The following TTC27 variants were observed in gnomAD, a reference collection of about 807,000 sequenced individuals.
TTC27 encodes tetratricopeptide repeat protein 27.
TTC27 carries 79 observed loss-of-function variants against 115.9 expected under a neutral mutation model. The ratio of observed to expected loss-of-function variants is 0.68; its 90% CI spans 0.57 to 0.82. The LOEUF (loss-of-function observed/expected upper bound fraction) is 0.82. TTC27 is among the 40% of genes least tolerant of loss of function. The pLI is 0.00. For synonymous variants in TTC27, 401 were observed against 356.0 expected, an observed-to-expected ratio of 1.13 and a Z score of -1.42; for missense variants, 1,054 against 993.1, an observed-to-expected ratio of 1.06 and a Z score of -0.82.
chr2:32,641,204 T>G (rs941359672), intron 4 of TTC27, among the ~76,000 whole-genome samples: 8 of 152,174 alleles, frequency 5.3e-5, no homozygotes, highest in African/African-American at 1.7e-4. Context: ...TATAAACTAG[T>G]GAGGACAAAT....
chr2:32,717,622 G>GA (rs1456987422), intron 10 of TTC27, among the ~76,000 whole-genome samples: 4 of 151,950 alleles, frequency 2.6e-5, no homozygotes, highest in Non-Finnish European at 5.9e-5. Flanking sequence ...GTGTCTTTGT[G>GA]AAAAGTATTT....
At chr2:32,710,202 G>A (rs572128448) in intron 10 of TTC27, among the ~76,000 whole-genome samples, 28 of 152,064 alleles carry the variant, frequency 1.8e-4, no homozygotes, top group Admixed American at 2.6e-4. Flanking sequence ...AGTAGGGTTG[G>A]GGTTTCGCCA....
chr2:32,669,315 A>C (rs1665919406), intron 7 of TTC27, among the ~76,000 whole-genome samples: 1 of 152,154 alleles, frequency 6.6e-6, no homozygotes, highest in African/African-American at 2.4e-5. Flanking sequence ...TTGTATGTGA[A>C]ATAAAATACA....
chr2:32,672,403 T>C lies in TTC27; in HGVS notation c.1052+19T>C. 2 of 1,572,038 alleles carry C rather than the reference T, an allele frequency of 1.3e-6. No homozygotes were observed. Among genetic ancestry groups the C allele is most frequent in the Non-Finnish European group, 1.8e-6 (2 of 1,142,268 alleles). On this transcript the variant is annotated intron_variant, in intron 8 of 19. Transcript: ENST00000317907. ...GAATCTGGTGAGTTAATGACTGACT[T>C]GGCTGCTTTGAACACTTTGCATATT...
chr2:32,650,545 C>G (rs1028358486), intron 5 of TTC27, among the ~76,000 whole-genome samples: 4 of 151,744 alleles, frequency 2.6e-5, no homozygotes, highest in Non-Finnish European at 4.4e-5. Flanking sequence ...AATATTTTCT[C>G]TGTTCTTTAA....
In TTC27 at chr2:32,755,187, C is replaced by T. The variant is rs929442471; in HGVS notation, c.1453-3105C>T. ...CTCACTTCCCAGACGGGGTGGCGGC[C>T]GGGCAGAGGCTGCAATCTCGGCACT... On this transcript the variant is annotated intron_variant, in intron 12 of 19. Transcript: ENST00000317907. Among the ~76,000 whole-genome samples, 8 of 152,238 alleles carry T rather than the reference C, an allele frequency of 5.3e-5. No homozygotes were observed. In the South Asian group the frequency reaches 1.2e-3, roughly 24 times the overall value.
chr2:32,800,191 G>GC (rs1016011374), intron 16 of TTC27, among the ~76,000 whole-genome samples: 14 of 152,270 alleles, frequency 9.2e-5, no homozygotes, highest in Middle Eastern at 3.4e-3. Flanking sequence ...GCTGTTTTTT[G>GC]TTTTTGTGTT....
intron 16 of TTC27, among the ~76,000 whole-genome samples, chr2:32,798,975 G>A (rs1480858089): frequency 6.6e-6 from 1 of 152,084 alleles, no homozygotes; most frequent in Non-Finnish European, 1.5e-5. Flanking sequence ...GCTAAAACCT[G>A]GAAGCAACCC....
chr2:32,707,753 C>T (rs1667428123), intron 10 of TTC27, among the ~76,000 whole-genome samples: 1 of 152,126 alleles, frequency 6.6e-6, no homozygotes, highest in South Asian at 2.1e-4. Flanking sequence ...TTCCATAGCT[C>T]TGTCCACTGA....
intron 7 of TTC27, among the ~76,000 whole-genome samples, chr2:32,667,794 C>A (rs1665843540): frequency 1.3e-5 from 2 of 150,604 alleles, no homozygotes. Flanking sequence ...TGGCTCATGC[C>A]TGTAATCCCA....
intron 9 of TTC27, among the ~76,000 whole-genome samples, chr2:32,699,880 C>A (rs900607209): frequency 4.6e-5 from 7 of 152,170 alleles, no homozygotes; most frequent in Admixed American, 4.6e-4. Flanking sequence ...CTTAGGCAAG[C>A]CTCTTGTTCT....
chr2:32,690,998 G>A (rs149111623), intron 9 of TTC27, among the ~76,000 whole-genome samples: 3 of 152,314 alleles, frequency 2.0e-5, no homozygotes, highest in Non-Finnish European at 2.9e-5. Context: ...TTTGATTTAT[G>A]TATGGAAAAA....
intron 5 of TTC27, among the ~76,000 whole-genome samples, chr2:32,658,232 C>T (rs1237127831): frequency 6.6e-6 from 1 of 152,166 alleles, no homozygotes; most frequent in African/African-American, 2.4e-5. Flanking sequence ...AAGAGATCCT[C>T]CCACTTCGTC....
intron 12 of TTC27, among the ~76,000 whole-genome samples, chr2:32,752,225 T>A (rs573753482): frequency 1.6e-4 from 24 of 152,318 alleles, no homozygotes; most frequent in Admixed American, 1.6e-3. Flanking sequence ...CCATAGCACT[T>A]TTCAAAAATG....
At position 32,715,411 on chromosome 2, in the gene TTC27, A is replaced by C. The variant is rs142042205; in HGVS notation, c.1233+12491A>C. Among the ~76,000 whole-genome samples, 326 of 152,138 alleles carry C rather than the reference A, an allele frequency of 2.1e-3. 1 individual carries two copies. The highest frequency in any genetic ancestry group is 7.4e-3 in the African/African-American group (308 of 41,488). ...GTGTGGCTCTGTTCCTGGGCTCTCT[A>C]TTCTGTTCCATTGGTCTGTGTGTCT... On this transcript the variant is annotated intron_variant, in intron 10 of 19. Coordinates refer to ENST00000317907, the MANE Select transcript of TTC27 (RefSeq NM_017735.5).
intron 16 of TTC27, among the ~76,000 whole-genome samples, chr2:32,792,846 C>T (rs1183619471): frequency 4.6e-5 from 7 of 152,222 alleles, no homozygotes; most frequent in African/African-American, 4.8e-5. Flanking sequence ...ATAGTTAATA[C>T]ATTTCTCTTT....
intron 9 of TTC27, among the ~76,000 whole-genome samples, chr2:32,697,847 G>T (rs1667045376): frequency 6.6e-6 from 1 of 152,070 alleles, no homozygotes; most frequent in East Asian, 1.9e-4. Context: ...TCCCTCCTGG[G>T]TTCAAACGAT....
intron 19 of TTC27, 136 bp downstream of exon 19, chr2:32,817,693 T>C: frequency 2.6e-6 from 2 of 755,444 alleles, no homozygotes; most frequent in Middle Eastern, 3.5e-4. Context: ...AGCCCCCTCA[T>C]GGTTGGTTGT....
chr2:32,679,008 T>A, intron 9 of TTC27, 86 bp downstream of exon 9: 2 of 1,150,914 alleles, frequency 1.7e-6, no homozygotes, highest in Non-Finnish European at 1.3e-6. Context: ...ATTGTTTATG[T>A]TGAAACACTG....
Sources: gnomAD v4.1 joint callset for allele counts (sites outside exome capture counted in the v4.1 genomes callset) on GRCh38, gnomAD v4.1.1 for gene constraint, MANE v1.5 for transcripts, NCBI Gene and HGNC (gene_info 2026-07-23, HGNC 2026-07-21) for gene names.